The following LRP2 variants were observed in gnomAD, a reference collection of about 807,000 sequenced individuals.
The protein encoded by LRP2 is LDL receptor related protein 2.
In LRP2, 172 loss-of-function variants were observed where a neutral mutation model predicts 531.0. The ratio of observed to expected loss-of-function variants is 0.32; its 90% CI spans 0.29 to 0.37. The LOEUF is 0.37. Among genes scored for constraint, LRP2 ranks in the 10% least tolerant of loss-of-function variants. The pLI is 1.00. For missense variants in LRP2, 5,167 were observed against 5,868.3 expected, an observed-to-expected ratio of 0.88 and a Z score of 3.90; for synonymous variants, 1,992 against 2,027.6, an observed-to-expected ratio of 0.98 and a Z score of 0.47.
chr2:169,151,600 C>T (rs1269361826), intron 67 of LRP2, among the ~76,000 whole-genome samples: 1 of 152,140 alleles, frequency 6.6e-6, no homozygotes, highest in African/African-American at 2.4e-5. Flanking sequence ...AAATAACAAA[C>T]TCGGCAAGAC....
intron 19 of LRP2, among the ~76,000 whole-genome samples, chr2:169,254,845 C>G (rs1430181009): frequency 6.6e-6 from 1 of 151,972 alleles, no homozygotes; most frequent in African/African-American, 2.4e-5. Context: ...TTCTATGTGA[C>G]AGCAAATAGC....
chr2:169,190,808 C>T (rs995630990), intron 48 of LRP2, among the ~76,000 whole-genome samples: 3 of 152,216 alleles, frequency 2.0e-5, no homozygotes, highest in Non-Finnish European at 4.4e-5. Context: ...CCTTTCTGGA[C>T]TCCCCTACTT....
intron 60 of LRP2, among the ~76,000 whole-genome samples, chr2:169,169,323 A>G (rs1003657943): frequency 1.3e-5 from 2 of 152,218 alleles, no homozygotes; most frequent in African/African-American, 4.8e-5. Flanking sequence ...AAAAATTTTA[A>G]TGCTATAAAT....
intron 9 of LRP2, among the ~76,000 whole-genome samples, chr2:169,284,246 T>C (rs907007003): frequency 2.8e-5 from 3 of 106,694 alleles, no homozygotes; most frequent in African/African-American, 1.0e-4. Context: ...CTTTTCTTTT[T>C]CTTTTTTTTC....
intron 48 of LRP2, among the ~76,000 whole-genome samples, chr2:169,190,510 A>G (rs2105308948): frequency 6.6e-6 from 1 of 152,310 alleles, no homozygotes; most frequent in East Asian, 1.9e-4. Flanking sequence ...ACTGGACTCC[A>G]ACGGTACATT....
At chr2:169,226,371 G>T in intron 32 of LRP2, 51 bp downstream of exon 32, 1 of 1,441,862 alleles carries the variant, frequency 6.9e-7, no homozygotes, top group Non-Finnish European at 9.7e-7. Context: ...ATCAGTGCAG[G>T]CAGGCTCTTC....
chr2:169,295,652 A>G (rs888003205), intron 4 of LRP2, among the ~76,000 whole-genome samples: 3 of 152,090 alleles, frequency 2.0e-5, no homozygotes, highest in Non-Finnish European at 2.9e-5. Context: ...ATCCCCAACA[A>G]TTAGTACAGG....
intron 34 of LRP2, 21 bp downstream of exon 34, chr2:169,220,433 G>T: frequency 6.5e-7 from 1 of 1,542,276 alleles, no homozygotes; most frequent in South Asian, 1.1e-5. Context: ...TGGAAGACAC[G>T]TGCCATTTAT....
chr2:169,148,391 C>T (rs1435047809), intron 68 of LRP2, among the ~76,000 whole-genome samples: 7 of 152,174 alleles, frequency 4.6e-5, no homozygotes, highest in Non-Finnish European at 8.8e-5. Context: ...GGATACACAA[C>T]TCTGCATATA....
intron 70 of LRP2, among the ~76,000 whole-genome samples, chr2:169,144,502 C>T (rs1685837965): frequency 6.6e-6 from 1 of 152,024 alleles, no homozygotes; most frequent in Non-Finnish European, 1.5e-5. Context: ...GCCTTCTCCT[C>T]AGGGTCCAGA....
chr2:169,174,787 G>A (rs903033561), intron 55 of LRP2, among the ~76,000 whole-genome samples: 1 of 148,682 alleles, frequency 6.7e-6, no homozygotes, highest in African/African-American at 2.5e-5. Flanking sequence ...TGGGATTACA[G>A]GCATGAGCCA....
At chr2:169,148,071 T>A (rs1401222812) in intron 68 of LRP2, among the ~76,000 whole-genome samples, 2 of 152,256 alleles carry the variant, frequency 1.3e-5, no homozygotes, top group East Asian at 3.8e-4. Flanking sequence ...AAGTTTTAAA[T>A]TCTACTGACG....
chr2:169,280,211 G>A, intron 11 of LRP2, 139 bp downstream of exon 11: 1 of 855,214 alleles, frequency 1.2e-6, no homozygotes, highest in Middle Eastern at 2.4e-4. Context: ...CATGGAAAAG[G>A]TGCTGATTAA....
chr2:169,344,414 T>C (rs371040363), intron 1 of LRP2, among the ~76,000 whole-genome samples: 144 of 152,292 alleles, frequency 9.5e-4, no homozygotes, highest in Non-Finnish European at 1.7e-3. Context: ...TCATATTTCA[T>C]TGGAGACAAA....
chr2:169,134,369 T>C (rs796901547), intron 76 of LRP2, among the ~76,000 whole-genome samples: 3 of 152,094 alleles, frequency 2.0e-5, no homozygotes, highest in African/African-American at 4.8e-5. Flanking sequence ...CTCCCACAAT[T>C]ACCATTGTTT....
chr2:169,183,602 C>T (rs1687519254), intron 50 of LRP2, among the ~76,000 whole-genome samples: 1 of 152,194 alleles, frequency 6.6e-6, no homozygotes, highest in African/African-American at 2.4e-5. Flanking sequence ...GCACTCTACT[C>T]TGTTGAGCTT....
chr2:169,199,975 G>GTT (rs1688140003), intron 44 of LRP2, among the ~76,000 whole-genome samples: 4 of 152,270 alleles, frequency 2.6e-5, no homozygotes, highest in South Asian at 2.1e-4. Context: ...TTCTGGCCGG[G>GTT]TGCAGTGGCT....
Position 169,237,260 on chromosome 2 carries a change from C to T in LRP2, c.4534G>A (p.Glu1512Lys), listed in dbSNP as rs28735621. The change falls in exon 28 of 79, where the codon GAA becomes AAA. Residue 1512 changes from glutamate to lysine, a missense_variant. Around this residue, in one of 6 missense-constraint regions of LRP2, gnomAD observed 2,811 missense variants for 3,058.0 expected, o/e 0.92. Transcript: ENST00000649046. ...CCTACCCAATCTATTGCAATAGTTT[C>T]AGTCAAGATGATGCTACTGTCAAAT... ...VVFDSSIILTETIAIDWVGRN... is the reference protein window; with the variant it reads ...VVFDSSIILTKTIAIDWVGRN... The T allele has an allele frequency of 6.2e-7, 1 of 1,613,634 alleles. No individual in the cohort carries two copies. Among genetic ancestry groups the T allele is most frequent in the Admixed American group, 1.7e-5 (1 of 60,008 alleles).
Position 169,216,367 on chromosome 2 carries a change from G to C in LRP2, c.5712C>G (p.Asn1904Lys). The change falls in exon 35 of 79, where the codon AAC (asparagine) becomes AAG (lysine). Residue 1904 changes from asparagine to lysine, a missense_variant. Around this residue, in one of 6 missense-constraint regions of LRP2, gnomAD observed 2,811 missense variants for 3,058.0 expected, o/e 0.92. Transcript: ENST00000649046. ...SGVPAKIASA[N>K]MDGTSVKTLF... ...GAGTTTTCACAGATGTGCCATCCATGTTAGCACTGGCGATCTTGGCAGGAA... is the reference window on the plus strand; with the variant it reads ...GAGTTTTCACAGATGTGCCATCCATCTTAGCACTGGCGATCTTGGCAGGAA... 1 of 1,613,714 alleles carries C rather than the reference G, an allele frequency of 6.2e-7. No individual in the cohort carries two copies. Among genetic ancestry groups the C allele is most frequent in the Admixed American group, 1.7e-5 (1 of 59,974 alleles).
Sources: allele counts gnomAD v4.1 joint callset (sites outside exome capture counted in the v4.1 genomes callset), GRCh38; gene constraint gnomAD v4.1.1; regional missense constraint gnomAD v4.1.1; transcripts MANE v1.5; gene names NCBI Gene and HGNC (gene_info 2026-07-23, HGNC 2026-07-21).